TFEB: variants seen among roughly 807,000 people sequenced by gnomAD.
TFEB encodes the protein T-cell transcription factor EB.
In TFEB, 12 loss-of-function variants were observed where a neutral mutation model predicts 48.0. The ratio of observed to expected loss-of-function variants is 0.25; its 90% CI spans 0.16 to 0.40. The LOEUF is 0.40. Among genes scored for constraint, TFEB ranks in the 10% least tolerant of loss-of-function variants. TFEB has a pLI of 1.00. For synonymous variants in TFEB, 244 were observed against 261.4 expected, an observed-to-expected ratio of 0.93 and a Z score of 0.64; for missense variants, 509 against 640.3, an observed-to-expected ratio of 0.79 and a Z score of 2.21.
intron 1 of TFEB, among the ~76,000 whole-genome samples, chr6:41,711,877 C>A (rs1770495673): frequency 6.6e-6 from 1 of 152,338 alleles, no homozygotes; most frequent in East Asian, 1.9e-4. Context: ...CCTTGGCAGG[C>A]TCACCCAGCT....
chr6:41,691,132 G>A lies in TFEB; in HGVS notation c.82C>T (p.Gln28Ter), dbSNP rs1391152798. Residue 28 changes from glutamine (Q) to a stop codon, truncating the protein, a stop_gained, in exon 2 of 9, where the codon CAG (glutamine) becomes TAG (stop). Coordinates refer to ENST00000373033, the MANE Select transcript of TFEB (RefSeq NM_001271944.2). LOFTEE classifies it high-confidence loss of function. The surrounding 1 kb of genome is among the most constrained non-coding windows in gnomAD (Gnocchi z 5.2). ...QEEQRERMQQ[Q>*]AVMHYMQQQQ... ...TGCTGCATGTAATGCATGACAGCCTGTTGCTGCATGCGCTCCCGCTGCTCC... is the reference window on the plus strand; with the variant it reads ...TGCTGCATGTAATGCATGACAGCCTATTGCTGCATGCGCTCCCGCTGCTCC... 18 of 1,588,112 alleles carry A rather than the reference G, an allele frequency of 1.1e-5. No homozygotes were observed. The highest frequency in any genetic ancestry group is 1.5e-5 in the Non-Finnish European group (18 of 1,165,840).
At chr6:41,700,465 CAA>C (rs549557871) in intron 1 of TFEB, among the ~76,000 whole-genome samples, 22,347 of 95,532 alleles carry the variant, frequency 0.23, 1,893 homozygotes, top group African/African-American at 0.32. Context: ...GACTCCGTCT[CAA>C]AAAAAAAAAA....
chr6:41,715,891 C>T (rs1770716103), intron 1 of TFEB, among the ~76,000 whole-genome samples: 1 of 152,152 alleles, frequency 6.6e-6, no homozygotes, highest in Non-Finnish European at 1.5e-5. Context: ...GCTCTTGACC[C>T]CCACTGCAGC....
Position 41,734,902 on chromosome 6 carries a change from C to G in TFEB, c.-23+448G>C. On this transcript the variant is annotated intron_variant, in intron 1 of 8. Transcript: ENST00000373033. This position sits in a 1 kb window ranked among gnomAD's most constrained non-coding sequence, Gnocchi z 4.0. ...CAGCCCCCGCACACCTCCCCTACCT[C>G]CGACCCCCTCTCAGGCATCGCCGGC... The G allele has an allele frequency of 1.0e-6, 1 of 985,418 alleles. No homozygotes were observed. The highest frequency in any genetic ancestry group is 1.2e-6 in the Non-Finnish European group (1 of 829,986). 61.0% of individuals were successfully genotyped at this position (985,418 alleles called of 1,614,324 possible).
At chr6:41,717,321 C>T (rs921938967) in intron 1 of TFEB, among the ~76,000 whole-genome samples, 3 of 152,144 alleles carry the variant, frequency 2.0e-5, no homozygotes, top group Non-Finnish European at 4.4e-5. Flanking sequence ...CATGCTAGCT[C>T]CCACAGCCAG....
chr6:41,722,161 GT>G (rs1195620484), intron 1 of TFEB, among the ~76,000 whole-genome samples: 1 of 152,048 alleles, frequency 6.6e-6, no homozygotes, highest in African/African-American at 2.4e-5. Context: ...TTGTATTTTA[GT>G]AGGGACGGGG....
chr6:41,687,074 C>T lies in TFEB; in HGVS notation c.803+20G>A. 6.2e-7 allele frequency: 1 copy of T among 1,612,844 alleles called. No individual in the cohort carries two copies. The highest frequency in any genetic ancestry group is 1.1e-5 in the South Asian group (1 of 91,032). ...CTGCCCACCCAGACCCATCACCCTC[C>T]CCCTCAGAAACCTGCTCACAGGTCA... On this transcript the variant is annotated intron_variant, in intron 7 of 8. Transcript: ENST00000373033.
Position 41,730,428 on chromosome 6 carries a change from G to C in TFEB, c.-23+4922C>G, listed in dbSNP as rs1771403923. Among the ~76,000 whole-genome samples the C allele has an allele frequency of 6.6e-6, 1 of 152,222 alleles. No individual in the cohort carries two copies. Among genetic ancestry groups the C allele is most frequent in the Non-Finnish European group, 1.5e-5 (1 of 68,044 alleles). ...TCTGGGACCACTGCTGAATGCATAA[G>C]AGCCAACCAGGTGGCCTGCATGGCC... On this transcript the variant is annotated intron_variant, in intron 1 of 8. Coordinates refer to ENST00000373033, the MANE Select transcript of TFEB (RefSeq NM_001271944.2). The surrounding 1 kb of genome is among the most constrained non-coding windows in gnomAD (Gnocchi z 4.1).
rs1771387089 is a variant in TFEB at position 41,730,051 on chromosome 6, T to A, written c.-23+5299A>T. Among the ~76,000 whole-genome samples the A allele has an allele frequency of 1.3e-5, 2 of 151,884 alleles. No homozygotes were observed. The highest frequency in any genetic ancestry group is 4.2e-4 in the South Asian group (2 of 4,800). On this transcript the variant is annotated intron_variant, in intron 1 of 8. Coordinates refer to ENST00000373033, the MANE Select transcript of TFEB (RefSeq NM_001271944.2). This position sits in a 1 kb window ranked among gnomAD's most constrained non-coding sequence, Gnocchi z 4.1. ...CCAGCATCTGTGTTTAAACAATTCC[T>A]CCAGGGAGTTCTCATGCATGCCCAA...
At chr6:41,722,006 T>C (rs1771004415) in intron 1 of TFEB, among the ~76,000 whole-genome samples, 1 of 152,060 alleles carries the variant, frequency 6.6e-6, no homozygotes, top group African/African-American at 2.4e-5. Context: ...TAAGGCAGAG[T>C]CTCCCTCCGT....
rs1000888762 is a variant in TFEB, at chr6:41,735,584, G to T, written c.-257C>A. ...GCTGTCACCGAGCCCCGCGCCCGGC[G>T]CCCGGGCTCCGGCTGTCACTCCACG... is the stretch of plus-strand genomic sequence containing the variant. On this transcript the variant is annotated 5_prime_UTR_variant, in exon 1 of 9. Transcript: ENST00000373033. 32 of 982,460 alleles carry T rather than the reference G, an allele frequency of 3.3e-5. No individual in the cohort carries two copies. The highest frequency in any genetic ancestry group is 3.7e-5 in the Non-Finnish European group (31 of 827,516). The allele number at this position is 982,460 out of a possible 1,614,324, so 60.9% of individuals were successfully genotyped here.
chr6:41,726,534 C>T (rs1049805357), intron 1 of TFEB, among the ~76,000 whole-genome samples: 10 of 152,060 alleles, frequency 6.6e-5, no homozygotes, highest in Admixed American at 2.6e-4. Flanking sequence ...ACCTCCACCT[C>T]CCAGGTTCAA....
chr6:41,735,146 G>A (rs1045585868), intron 1 of TFEB: 2 of 952,474 alleles, frequency 2.1e-6, no homozygotes, highest in Admixed American at 6.2e-5. Context: ...CCGGCTCGGC[G>A]GGCAGCGCCG....
intron 1 of TFEB, chr6:41,705,658 C>T (rs900688163): frequency 6.5e-6 from 1 of 152,904 alleles, no homozygotes; most frequent in African/African-American, 2.4e-5. Context: ...TCTTTCACCA[C>T]CGCAGGCTGG....
chr6:41,716,294 G>A (rs1370449805), intron 1 of TFEB, among the ~76,000 whole-genome samples: 1 of 152,184 alleles, frequency 6.6e-6, no homozygotes, highest in Non-Finnish European at 1.5e-5. Flanking sequence ...TCCCTATAAT[G>A]TCTGCTGGCT....
intron 1 of TFEB, among the ~76,000 whole-genome samples, chr6:41,715,626 C>T (rs191022822): frequency 1.7e-4 from 26 of 151,504 alleles, no homozygotes; most frequent in African/African-American, 4.6e-4. Flanking sequence ...GCCGAGATCA[C>T]GCTACTGCAC....
chr6:41,721,935 AG>A (rs958633569), intron 1 of TFEB, among the ~76,000 whole-genome samples: 40 of 152,224 alleles, frequency 2.6e-4, no homozygotes, highest in African/African-American at 9.4e-4. Flanking sequence ...TCACTCTCCT[AG>A]GAAGTCTCTT....
chr6:41,700,009 C>G (rs547697861), intron 1 of TFEB, among the ~76,000 whole-genome samples: 2 of 152,168 alleles, frequency 1.3e-5, no homozygotes, highest in African/African-American at 2.4e-5. Context: ...CCCTCCGGGA[C>G]CCTGTCCTGC....
intron 1 of TFEB, among the ~76,000 whole-genome samples, chr6:41,709,529 G>GA (rs1770387592): frequency 6.7e-6 from 1 of 149,330 alleles, no homozygotes; most frequent in Non-Finnish European, 1.5e-5. Flanking sequence ...ATAATGGTTG[G>GA]TGGATGGATG....
Sources: allele counts gnomAD v4.1 joint callset (sites outside exome capture counted in the v4.1 genomes callset), GRCh38; gene constraint gnomAD v4.1.1; non-coding constraint Gnocchi (gnomAD v3.1); transcripts MANE v1.5; gene names NCBI Gene and HGNC (gene_info 2026-07-23, HGNC 2026-07-21).